GALNT13: variants seen among roughly 807,000 people sequenced by gnomAD.
The protein encoded by GALNT13 is UDP-GalNAc:polypeptide N-acetylgalactosaminyltransferase 13.
Under a neutral mutation model 64.2 loss-of-function variants are expected in GALNT13, and 28 were observed. The ratio of observed to expected loss-of-function variants is 0.44; its 90% CI spans 0.32 to 0.60. The LOEUF is 0.60. Among genes scored for constraint, GALNT13 ranks in the 20% least tolerant of loss-of-function variants. The probability of loss-of-function intolerance (pLI) is 0.05; values close to 1 mark genes in which losing one functional copy is unlikely to be tolerated. For missense variants in GALNT13, 577 were observed against 669.8 expected (o/e 0.86, Z 1.53); for synonymous variants, 214 against 224.6 (o/e 0.95, Z 0.42).
the GALNT13 span, among the ~76,000 whole-genome samples, chr2:153,679,053 T>C: frequency 6.6e-6 from 1 of 151,964 alleles, no homozygotes; most frequent in Non-Finnish European, 1.5e-5. Context: ...TATGTTATCA[T>C]GATTGAGGTT....
chr2:153,222,713 G>A, the GALNT13 span, among the ~76,000 whole-genome samples: 2 of 152,190 alleles, frequency 1.3e-5, no homozygotes, highest in Admixed American at 6.5e-5. Context: ...GGTGGCAGGC[G>A]GCTGGTGTGT....
the GALNT13 span, among the ~76,000 whole-genome samples, chr2:153,801,759 T>A: frequency 6.6e-6 from 1 of 152,188 alleles, no homozygotes; most frequent in African/African-American, 2.4e-5. Context: ...GACTCAGGGT[T>A]GCCACAAACT....
rs529172311 is a variant in GALNT13 at position 154,029,168 on chromosome 2, A to G, written c.142+84529A>G. Among the ~76,000 whole-genome samples the G allele has an allele frequency of 1.9e-4, 27 of 142,764 alleles. No individual in the cohort carries two copies. The South Asian group carries it at 6.1e-3, about 32-fold the overall frequency. The allele number at this position is 142,764 out of a possible 152,430, so 93.7% of individuals were successfully genotyped here. ...AATATCTATAATATTTATAGATATT[A>G]TACAATTTATTTTGTAAATCAAAAA... On this transcript the variant is annotated intron_variant, in intron 3 of 12. Coordinates refer to ENST00000392825, the MANE Select transcript of GALNT13 (RefSeq NM_052917.4).
chr2:154,070,014 T>C (rs1439524335), intron 3 of GALNT13, among the ~76,000 whole-genome samples: 4 of 152,100 alleles, frequency 2.6e-5, no homozygotes, highest in Non-Finnish European at 5.9e-5. Context: ...ATTTAAAGAA[T>C]GCACTATTAA....
intron 9 of GALNT13, among the ~76,000 whole-genome samples, chr2:154,368,283 G>A (rs1016403910): frequency 2.6e-5 from 4 of 152,050 alleles, no homozygotes; most frequent in Admixed American, 2.6e-4. Flanking sequence ...CTTCTCATGT[G>A]AGATTAGTCA....
intron 8 of GALNT13, among the ~76,000 whole-genome samples, chr2:154,266,977 A>G (rs1375854581): frequency 2.6e-5 from 4 of 152,120 alleles, no homozygotes; most frequent in Non-Finnish European, 5.9e-5. Context: ...ATAATAATCA[A>G]GACTGTGTGT....
At chr2:153,594,404 A>G in the GALNT13 span, among the ~76,000 whole-genome samples, 431 of 152,206 alleles carry the variant, frequency 2.8e-3, 9 homozygotes, top group Admixed American at 0.023. Context: ...TTTTTTCTCG[A>G]CTTGTCTTCC....
At chr2:153,828,263 T>C in the GALNT13 span, among the ~76,000 whole-genome samples, 1 of 152,214 alleles carries the variant, frequency 6.6e-6, no homozygotes, top group Non-Finnish European at 1.5e-5. Context: ...GGACTCTGTG[T>C]TGGGGCTCCA....
chr2:154,393,017 T>TG (rs1574224341), intron 9 of GALNT13, among the ~76,000 whole-genome samples: 3 of 152,302 alleles, frequency 2.0e-5, no homozygotes, highest in South Asian at 4.1e-4. Flanking sequence ...TCAGTGGATA[T>TG]TTGTGCTAGA....
intron 3 of GALNT13, among the ~76,000 whole-genome samples, chr2:153,947,270 T>C (rs1691826010): frequency 6.6e-6 from 1 of 152,020 alleles, no homozygotes; most frequent in African/African-American, 2.4e-5. Context: ...CCACCTGCCA[T>C]GGAGCTTAAA....
At chr2:153,082,298 C>T in the GALNT13 span, among the ~76,000 whole-genome samples, 18 of 151,784 alleles carry the variant, frequency 1.2e-4, no homozygotes, top group Admixed American at 1.3e-4. Context: ...CTCTTTTATC[C>T]CTCACCTCCC....
At chr2:153,666,322 A>G in the GALNT13 span, among the ~76,000 whole-genome samples, 4 of 152,044 alleles carry the variant, frequency 2.6e-5, no homozygotes, top group East Asian at 1.9e-4. Context: ...CCCTGATACC[A>G]CACTGTCTTC....
At chr2:153,761,346 A>T in the GALNT13 span, 1 of 152,146 alleles carries the variant, frequency 6.6e-6, no homozygotes, top group Non-Finnish European at 1.5e-5. Context: ...ATTGAGTACT[A>T]AAACAAAAAC....
At chr2:154,325,109 T>G (rs1694813769) in intron 9 of GALNT13, among the ~76,000 whole-genome samples, 1 of 151,936 alleles carries the variant, frequency 6.6e-6, no homozygotes, top group Admixed American at 6.6e-5. Flanking sequence ...GGCATCCTAG[T>G]TCCCTGTGTG....
chr2:154,075,557 T>A (rs1700945190), intron 3 of GALNT13, among the ~76,000 whole-genome samples: 1 of 151,850 alleles, frequency 6.6e-6, no homozygotes, highest in Non-Finnish European at 1.5e-5. Flanking sequence ...TGATCAAATA[T>A]ATTTTCAACA....
chr2:153,678,280 G>T, the GALNT13 span, among the ~76,000 whole-genome samples: 15 of 151,684 alleles, frequency 9.9e-5, no homozygotes, highest in African/African-American at 3.6e-4. Context: ...AATCAACATA[G>T]GTGTCCATCA....
At chr2:154,244,954 C>G (rs957662563) in intron 6 of GALNT13, among the ~76,000 whole-genome samples, 1 of 151,826 alleles carries the variant, frequency 6.6e-6, no homozygotes, top group African/African-American at 2.4e-5. Context: ...AACTCTGTCT[C>G]TGCTAAAAAT....
the GALNT13 span, among the ~76,000 whole-genome samples, chr2:153,702,774 C>T: frequency 6.6e-6 from 1 of 151,912 alleles, no homozygotes; most frequent in Non-Finnish European, 1.5e-5. Flanking sequence ...AAAAACCAAG[C>T]AGGAAGGTTA....
At chr2:153,949,878 A>G (rs530795102) in intron 3 of GALNT13, among the ~76,000 whole-genome samples, 2 of 152,120 alleles carry the variant, frequency 1.3e-5, no homozygotes, top group Non-Finnish European at 1.5e-5. Flanking sequence ...AGGCTGTTCA[A>G]TAAATGGAAC....
Sources: gnomAD v4.1 joint callset for allele counts (sites outside exome capture counted in the v4.1 genomes callset) on GRCh38, gnomAD v4.1.1 for gene constraint, MANE v1.5 for transcripts, NCBI Gene and HGNC (gene_info 2026-07-23, HGNC 2026-07-21) for gene names.